DNER: variants seen among roughly 807,000 people sequenced by gnomAD.
DNER encodes delta/notch like EGF repeat containing.
In DNER, 33 loss-of-function variants were observed where a neutral mutation model predicts 78.2. The ratio of observed to expected loss-of-function variants is 0.42; its 90% CI spans 0.32 to 0.56. The LOEUF (loss-of-function observed/expected upper bound fraction) is 0.56. Ranked by LOEUF, DNER falls within the 20% of genes least tolerant of loss-of-function variation. The pLI, the probability that DNER is intolerant of heterozygous loss-of-function variation, is 0.11. For synonymous variants in DNER, 417 were observed against 384.8 expected (o/e 1.08, Z -0.98); for missense variants, 918 against 975.3 (o/e 0.94, Z 0.78).
At chr2:229,622,159 C>T (rs921045573) in intron 1 of DNER, among the ~76,000 whole-genome samples, 1 of 152,166 alleles carries the variant, frequency 6.6e-6, no homozygotes, top group African/African-American at 2.4e-5. Flanking sequence ...TGACCTCTTT[C>T]CAGAAAGAGG....
At chr2:229,525,940 A>G (rs1022264122) in intron 5 of DNER, among the ~76,000 whole-genome samples, 35 of 152,194 alleles carry the variant, frequency 2.3e-4, no homozygotes, top group African/African-American at 8.0e-4. Context: ...TAACATCAGC[A>G]AAGGTGGGAA....
chr2:229,614,062 G>C (rs940530698), intron 1 of DNER, among the ~76,000 whole-genome samples: 4 of 151,256 alleles, frequency 2.6e-5, no homozygotes, highest in Non-Finnish European at 4.4e-5. Flanking sequence ...AGCATTAGGA[G>C]ATATACCTAA....
At chr2:229,662,684 CA>C (rs1479817966) in intron 1 of DNER, among the ~76,000 whole-genome samples, 2 of 152,118 alleles carry the variant, frequency 1.3e-5, no homozygotes. Flanking sequence ...GAGATAAAAG[CA>C]AAACTCTCTG....
intron 4 of DNER, among the ~76,000 whole-genome samples, chr2:229,552,800 A>G (rs970473225): frequency 6.6e-6 from 1 of 152,196 alleles, no homozygotes; most frequent in Non-Finnish European, 1.5e-5. Flanking sequence ...GATCCATACC[A>G]TCATCTGCCT....
intron 5 of DNER, 21 bp from the exon 6 acceptor site, chr2:229,512,957 A>C: frequency 6.2e-7 from 1 of 1,610,850 alleles, no homozygotes; most frequent in African/African-American, 1.3e-5. Context: ...AAAAAAGCAC[A>C]GTGTCTATTA....
intron 4 of DNER, among the ~76,000 whole-genome samples, chr2:229,549,563 T>C (rs1696689686): frequency 6.6e-6 from 1 of 152,144 alleles, no homozygotes; most frequent in Admixed American, 6.5e-5. Flanking sequence ...CCTCCCAAAG[T>C]GCTGGGACTA....
At chr2:229,628,964 C>G (rs1031134026) in intron 1 of DNER, among the ~76,000 whole-genome samples, 5 of 152,308 alleles carry the variant, frequency 3.3e-5, no homozygotes, top group African/African-American at 9.6e-5. Flanking sequence ...AATACCAACA[C>G]CCCCTCACCC....
chr2:229,564,295 A>T (rs1284321640), intron 4 of DNER, among the ~76,000 whole-genome samples: 7 of 145,870 alleles, frequency 4.8e-5, no homozygotes, highest in Non-Finnish European at 1.0e-4. Context: ...CACCATCATC[A>T]TCCTCCTCAC....
intron 12 of DNER, among the ~76,000 whole-genome samples, chr2:229,361,483 C>A (rs1404467577): frequency 6.6e-6 from 1 of 152,184 alleles, no homozygotes; most frequent in Non-Finnish European, 1.5e-5. Flanking sequence ...ATAGTCAAGC[C>A]TATTCACACT....
intron 6 of DNER, among the ~76,000 whole-genome samples, chr2:229,499,923 C>T (rs1448940849): frequency 1.4e-5 from 1 of 73,788 alleles, no homozygotes; most frequent in East Asian, 2.6e-4. Context: ...TCTGAATAGA[C>T]TTTCTTTCTT....
intron 7 of DNER, among the ~76,000 whole-genome samples, chr2:229,454,290 T>C (rs990667412): frequency 6.6e-6 from 1 of 152,230 alleles, no homozygotes; most frequent in African/African-American, 2.4e-5. Context: ...TACAGGATTG[T>C]ATCTATGTGG....
At chr2:229,503,801 G>A (rs1274043109) in intron 6 of DNER, among the ~76,000 whole-genome samples, 7 of 152,204 alleles carry the variant, frequency 4.6e-5, no homozygotes. Context: ...GAATATAGTA[G>A]CACTACCTCA....
At chr2:229,550,646 T>C (rs1329200562) in intron 4 of DNER, among the ~76,000 whole-genome samples, 1 of 152,032 alleles carries the variant, frequency 6.6e-6, no homozygotes, top group African/African-American at 2.4e-5. Context: ...CATGGTGGTG[T>C]GTGACTGTAG....
intron 1 of DNER, among the ~76,000 whole-genome samples, chr2:229,600,042 G>A (rs2154214883): frequency 6.6e-6 from 1 of 152,222 alleles, no homozygotes; most frequent in South Asian, 2.1e-4. Context: ...CCCAGCTCCA[G>A]GCCATTCATC....
intron 11 of DNER, among the ~76,000 whole-genome samples, chr2:229,371,096 C>A (rs1013433371): frequency 1.3e-5 from 2 of 152,208 alleles, no homozygotes; most frequent in South Asian, 2.1e-4. Flanking sequence ...CCTCTCTCCC[C>A]CTGCCCTTTT....
chr2:229,621,666 C>T (rs1698253374), intron 1 of DNER, among the ~76,000 whole-genome samples: 1 of 152,064 alleles, frequency 6.6e-6, no homozygotes, highest in Non-Finnish European at 1.5e-5. Context: ...ATGCTCCCAA[C>T]AGGATGATCT....
intron 5 of DNER, among the ~76,000 whole-genome samples, chr2:229,535,508 A>C (rs1233399567): frequency 6.6e-6 from 1 of 152,174 alleles, no homozygotes; most frequent in Non-Finnish European, 1.5e-5. Context: ...TTAGTTGCCA[A>C]TGCCCAGAGT....
intron 4 of DNER, among the ~76,000 whole-genome samples, chr2:229,581,872 A>G (rs943197439): frequency 1.3e-5 from 2 of 148,998 alleles, no homozygotes; most frequent in Admixed American, 1.3e-4. Flanking sequence ...GTCATCAGTT[A>G]TGTTTATTTT....
intron 7 of DNER, among the ~76,000 whole-genome samples, chr2:229,459,235 T>C (rs1359978991): frequency 6.6e-6 from 1 of 152,122 alleles, no homozygotes; most frequent in Non-Finnish European, 1.5e-5. Context: ...CTATTGTTTA[T>C]AACTAAATCA....
Sources: allele counts gnomAD v4.1 joint callset (sites outside exome capture counted in the v4.1 genomes callset), GRCh38; gene constraint gnomAD v4.1.1; transcripts MANE v1.5; gene names NCBI Gene and HGNC (gene_info 2026-07-23, HGNC 2026-07-21).